LRRIQ1: variants seen among roughly 807,000 people sequenced by gnomAD.
LRRIQ1 encodes leucine rich repeats and IQ motif containing 1.
A neutral mutation model predicts 211.9 loss-of-function variants in LRRIQ1; 210 were observed. The ratio of observed to expected loss-of-function variants is 0.99; its 90% CI spans 0.89 to 1.11. The LOEUF (loss-of-function observed/expected upper bound fraction) is 1.11. Among genes scored for constraint, LRRIQ1 ranks in the 50% most tolerant of loss-of-function variants. LRRIQ1 has a pLI of 0.00. For synonymous variants in LRRIQ1, 699 were observed against 650.1 expected (o/e 1.08, Z -1.14); for missense variants, 2,136 against 1,939.5 (o/e 1.10, Z -1.90).
At chr12:85,158,878 G>A (rs912808051) in intron 23 of LRRIQ1, among the ~76,000 whole-genome samples, 1 of 144,942 alleles carries the variant, frequency 6.9e-6, no homozygotes, top group Admixed American at 7.2e-5. Context: ...TTTTAACTGG[G>A]TTGTGTTTTT....
chr12:85,202,689 T>C (rs1893354572), intron 24 of LRRIQ1, among the ~76,000 whole-genome samples: 1 of 152,200 alleles, frequency 6.6e-6, no homozygotes, highest in African/African-American at 2.4e-5. Flanking sequence ...GCATGTGAGA[T>C]GGAGACTTTT....
At chr12:85,223,228 GAC>G (rs1894484126) in intron 24 of LRRIQ1, among the ~76,000 whole-genome samples, 1 of 152,090 alleles carries the variant, frequency 6.6e-6, no homozygotes, top group African/African-American at 2.4e-5. Flanking sequence ...CAATCAGGTT[GAC>G]TGTTGTCAGA....
intron 24 of LRRIQ1, among the ~76,000 whole-genome samples, chr12:85,220,458 G>GA (rs1261462030): frequency 3.3e-5 from 5 of 151,588 alleles, no homozygotes; most frequent in Non-Finnish European, 7.4e-5. Flanking sequence ...TGCTTTTCAT[G>GA]AAAAAAAGAA....
intron 10 of LRRIQ1, among the ~76,000 whole-genome samples, chr12:85,071,584 A>G (rs1026902286): frequency 6.6e-6 from 1 of 152,044 alleles, no homozygotes; most frequent in African/African-American, 2.4e-5. Flanking sequence ...TTAGGAAGAT[A>G]GTGTCAGACT....
intron 11 of LRRIQ1, among the ~76,000 whole-genome samples, chr12:85,073,335 T>C (rs1216029571): frequency 6.6e-6 from 1 of 152,046 alleles, no homozygotes; most frequent in African/African-American, 2.4e-5. Flanking sequence ...CTGCCTGCTT[T>C]GGATTACTAT....
chr12:85,244,683 G>T, intron 26 of LRRIQ1, 106 bp from the exon 27 acceptor site: 1 of 957,256 alleles, frequency 1.0e-6, no homozygotes, highest in South Asian at 1.4e-5. Context: ...TTTTGAAGAA[G>T]GTTGTTTGAC....
At chr12:85,156,979 T>G (rs2136699246) in intron 23 of LRRIQ1, among the ~76,000 whole-genome samples, 1 of 152,024 alleles carries the variant, frequency 6.6e-6, no homozygotes. Context: ...CTTAGAGCGC[T>G]CAGTAGCAAG....
intron 24 of LRRIQ1, among the ~76,000 whole-genome samples, chr12:85,174,502 C>T (rs186686923): frequency 6.6e-6 from 1 of 151,130 alleles, no homozygotes; most frequent in African/African-American, 2.4e-5. Flanking sequence ...CTAGATCAGC[C>T]TGGCCAACAT....
chr12:85,054,812 T>C lies in LRRIQ1; in HGVS notation c.754-735T>C, dbSNP rs1271547789. Among the ~76,000 whole-genome samples the C allele has an allele frequency of 7.9e-5, 12 of 152,276 alleles. No homozygotes were observed. In the South Asian group the frequency reaches 2.1e-3, roughly 26 times the overall value. On this transcript the variant is annotated intron_variant, in intron 7 of 26. Coordinates refer to ENST00000393217, the MANE Select transcript of LRRIQ1 (RefSeq NM_001079910.2). Reference sequence around the variant, plus strand: ...TTTTTATCTAGTTTATTTAATAGTTTGATTTTCTCAGAAATTGGTTCTTCC... The same window carrying C: ...TTTTTATCTAGTTTATTTAATAGTTCGATTTTCTCAGAAATTGGTTCTTCC...
At position 85,125,205 on chromosome 12, in the gene LRRIQ1, A is replaced by AAT. The variant is rs1196471919; in HGVS notation, c.4007+696_4007+697dup. 1.1e-4 allele frequency among the ~76,000 whole-genome samples: 17 copies of AAT among 152,050 alleles called. No individual in the cohort carries two copies. The East Asian group carries it at 2.7e-3, about 24-fold the overall frequency. ...AAAATAAATAAATAAACAAAATAAA[A>AAT]ATATATATATACCTTTGCACATGCC... On this transcript the variant is annotated intron_variant, in intron 17 of 26. Transcript: ENST00000393217.
intron 11 of LRRIQ1, among the ~76,000 whole-genome samples, chr12:85,086,483 G>C (rs1179519721): frequency 6.6e-6 from 1 of 152,132 alleles, no homozygotes; most frequent in Non-Finnish European, 1.5e-5. Flanking sequence ...CTTCTGCCAT[G>C]ATTGTAAACT....
At chr12:85,137,084 TA>T (rs1889186765) in intron 18 of LRRIQ1, among the ~76,000 whole-genome samples, 1 of 151,402 alleles carries the variant, frequency 6.6e-6, no homozygotes, top group African/African-American at 2.4e-5. Flanking sequence ...TCGAGCTTTT[TA>T]AAATTTATAT....
chr12:85,139,408 A>G (rs1889360794), intron 19 of LRRIQ1, among the ~76,000 whole-genome samples: 1 of 151,452 alleles, frequency 6.6e-6, no homozygotes, highest in African/African-American at 2.4e-5. Context: ...GGTAACTTTA[A>G]TGTGTTGATA....
At chr12:85,132,260 A>T (rs1327731359) in intron 18 of LRRIQ1, among the ~76,000 whole-genome samples, 1 of 148,878 alleles carries the variant, frequency 6.7e-6, no homozygotes, top group African/African-American at 2.5e-5. Flanking sequence ...GAAGGTAGGT[A>T]AAAAAAAAAG....
rs780470631 is a variant in LRRIQ1, at chr12:85,124,172, A to C, written c.3660A>C (p.Val1220=). 2.5e-6 allele frequency: 4 copies of C among 1,613,998 alleles called. No individual in the cohort carries two copies. In the East Asian group the frequency reaches 8.9e-5, roughly 36 times the overall value. ...EYRHAHERGD[V]TITKKDESEA... ...GACATGCACACGAACGAGGGGATGTAACTATCACCAAGAAAGATGAATCAG... is the reference window on the plus strand; with the variant it reads ...GACATGCACACGAACGAGGGGATGTCACTATCACCAAGAAAGATGAATCAG... The change falls in exon 17 of 27, where the codon GTA becomes GTC. Residue 1220 remains valine (V), a synonymous_variant. Transcript: ENST00000393217.
chr12:85,046,386 T>C (rs1879590441), intron 5 of LRRIQ1, among the ~76,000 whole-genome samples: 1 of 152,192 alleles, frequency 6.6e-6, no homozygotes, highest in African/African-American at 2.4e-5. Context: ...TATCCCTGAC[T>C]TTATTTAGTA....
chr12:85,259,588 T>C (rs968726718), intron 1 of LRRIQ1, among the ~76,000 whole-genome samples: 2 of 152,206 alleles, frequency 1.3e-5, no homozygotes, highest in Non-Finnish European at 2.9e-5. Flanking sequence ...AATTGTTACT[T>C]TACACATAGC....
At chr12:85,256,795 G>C (rs922936138) in intron 1 of LRRIQ1, among the ~76,000 whole-genome samples, 1 of 150,666 alleles carries the variant, frequency 6.6e-6, no homozygotes, top group African/African-American at 2.4e-5. Flanking sequence ...CGTGTTGAAT[G>C]AATATGTAAA....
At chr12:85,251,719 C>T (rs1333048026) in intron 1 of LRRIQ1, among the ~76,000 whole-genome samples, 2 of 148,018 alleles carry the variant, frequency 1.4e-5, no homozygotes, top group African/African-American at 5.1e-5. Context: ...ATTAAGAGAA[C>T]ATTATGGTGA....
Sources: allele counts gnomAD v4.1 joint callset (sites outside exome capture counted in the v4.1 genomes callset), GRCh38; gene constraint gnomAD v4.1.1; transcripts MANE v1.5; gene names NCBI Gene and HGNC (gene_info 2026-07-23, HGNC 2026-07-21).